DLGAP2: variants seen among roughly 807,000 people sequenced by gnomAD.
DLGAP2 encodes disks large-associated protein 2.
DLGAP2 carries 26 observed loss-of-function variants against 100.3 expected under a neutral mutation model. That is an observed-to-expected ratio of 0.26 (90% CI 0.19 to 0.36). The LOEUF (loss-of-function observed/expected upper bound fraction) is 0.36, where lower values mean the gene tolerates loss of function less well. DLGAP2 is among the 10% of genes least tolerant of loss of function. The probability of loss-of-function intolerance (pLI) is 1.00; values close to 1 mark genes in which losing one functional copy is unlikely to be tolerated. For synonymous variants in DLGAP2, 886 were observed against 630.1 expected, an observed-to-expected ratio of 1.41 and a Z score of -6.08; for missense variants, 1,858 against 1,453.2, an observed-to-expected ratio of 1.28 and a Z score of -4.53.
In DLGAP2 at chr8:1,653,455, C is replaced by T. The variant is rs771437011; in HGVS notation, c.1811-14874C>T. Reference sequence around the variant, plus strand: ...CTCTCAAGGCTGCCGGCTTCCTGGCCCCACAGGTGTCGTTCATGCTCAGCT... The same window carrying T: ...CTCTCAAGGCTGCCGGCTTCCTGGCTCCACAGGTGTCGTTCATGCTCAGCT... On this transcript the variant is annotated intron_variant, in intron 8 of 14. Transcript: ENST00000637795. 3.9e-4 allele frequency among the ~76,000 whole-genome samples: 60 copies of T among 152,318 alleles called. No homozygotes were observed. The Middle Eastern group carries it at 0.024, about 60-fold the overall frequency.
At chr8:918,016 G>A (rs1162034014) in intron 2 of DLGAP2, among the ~76,000 whole-genome samples, 1 of 152,220 alleles carries the variant, frequency 6.6e-6, no homozygotes, top group Non-Finnish European at 1.5e-5. Context: ...TTGGTAGGTT[G>A]CATGTCTAGG....
chr8:1,036,195 T>C (rs1181084140), intron 2 of DLGAP2, among the ~76,000 whole-genome samples: 1 of 148,074 alleles, frequency 6.8e-6, no homozygotes, highest in East Asian at 2.0e-4. Flanking sequence ...TCACCGCGAG[T>C]GGGTTCACAG....
intron 3 of DLGAP2, among the ~76,000 whole-genome samples, chr8:1,280,460 G>T (rs183171560): frequency 6.6e-6 from 1 of 152,134 alleles, no homozygotes; most frequent in Non-Finnish European, 1.5e-5. Context: ...TGCCACTAGC[G>T]TTTTTAAACA....
At chr8:1,378,528 T>G (rs1796016914) in intron 3 of DLGAP2, among the ~76,000 whole-genome samples, 1 of 151,722 alleles carries the variant, frequency 6.6e-6, no homozygotes, top group African/African-American at 2.4e-5. Context: ...TGACCTCACC[T>G]GTCCCTGACA....
rs115893084 is a variant in DLGAP2, at chr8:1,167,832, G to A, written c.74-91019G>A. On this transcript the variant is annotated intron_variant, in intron 2 of 14. Transcript: ENST00000637795. ...TACCTGGTTGAGGTCCTAAACCAAC[G>A]TTCAGTAGAGGGATGTAGACAGACA... Among the ~76,000 whole-genome samples, 721 of 145,550 alleles carry A rather than the reference G, an allele frequency of 5.0e-3. 3 individuals are homozygous for A. Among genetic ancestry groups the A allele is most frequent in the African/African-American group, 0.017 (695 of 40,524 alleles).
intron 3 of DLGAP2, among the ~76,000 whole-genome samples, chr8:1,307,316 G>C (rs1477810100): frequency 6.6e-6 from 1 of 152,120 alleles, no homozygotes; most frequent in African/African-American, 2.4e-5. Flanking sequence ...ACAAGGAAAT[G>C]CCAACACACA....
chr8:830,108 C>T (rs1796753714), intron 1 of DLGAP2, among the ~76,000 whole-genome samples: 1 of 152,098 alleles, frequency 6.6e-6, no homozygotes, highest in South Asian at 2.1e-4. Flanking sequence ...TACCTATCTG[C>T]CCTCTCACCA....
rs183983636 is a variant in DLGAP2 at position 1,321,986 on chromosome 8, C to T, written c.106+63103C>T. 4.6e-5 allele frequency among the ~76,000 whole-genome samples: 7 copies of T among 152,212 alleles called. No individual in the cohort carries two copies. The East Asian group carries it at 1.4e-3, about 29-fold the overall frequency. ...TTAAAATCTAGCTTAAGCCCTGAAG[C>T]GTGCTTAAATTCTAGAGATTAGAAT... On this transcript the variant is annotated intron_variant, in intron 3 of 14. Transcript: ENST00000637795.
intron 3 of DLGAP2, among the ~76,000 whole-genome samples, chr8:1,499,067 G>C (rs908468885): frequency 6.6e-6 from 1 of 152,210 alleles, no homozygotes; most frequent in African/African-American, 2.4e-5. Flanking sequence ...GCAAGGAAGC[G>C]TTTGTACTCC....
chr8:1,283,859 C>A (rs560779898), intron 3 of DLGAP2, among the ~76,000 whole-genome samples: 2 of 152,288 alleles, frequency 1.3e-5, no homozygotes, highest in East Asian at 1.9e-4. Context: ...CTACATCGTT[C>A]GTGGGATACA....
intron 3 of DLGAP2, among the ~76,000 whole-genome samples, chr8:1,321,073 GTGTGCCTCTGTGTGTGCGCATGCATCCA>G (rs1563081644): frequency 6.6e-6 from 1 of 151,450 alleles, no homozygotes; most frequent in African/African-American, 2.4e-5. Flanking sequence ...ACATGCATCT[GTGTGCCTCTGTGTGTGCGCATGCATCCA>G]TGTGCCTCTG....
At chr8:1,596,532 CTGT>C (rs1460588319) in intron 6 of DLGAP2, among the ~76,000 whole-genome samples, 1 of 152,186 alleles carries the variant, frequency 6.6e-6, no homozygotes, top group Admixed American at 6.5e-5. Flanking sequence ...TCTCCAACAT[CTGT>C]TGTTTCCTGG....
In DLGAP2 at chr8:984,207, G is replaced by A. The variant is rs374968629; in HGVS notation, c.73+76241G>A. Among the ~76,000 whole-genome samples the A allele has an allele frequency of 2.1e-3, 317 of 152,214 alleles. 2 individuals are homozygous for A. The highest frequency in any genetic ancestry group is 7.4e-3 in the African/African-American group (308 of 41,524). ...ACGTCCTGGATTCTAGCCCAGTTTT[G>A]CCGACACCTGACCTTGGGCACAGCA... On this transcript the variant is annotated intron_variant, in intron 2 of 14. Transcript: ENST00000637795.
At chr8:761,870 G>T (rs1821094408) in intron 1 of DLGAP2, among the ~76,000 whole-genome samples, 1 of 152,208 alleles carries the variant, frequency 6.6e-6, no homozygotes, top group South Asian at 2.1e-4. Flanking sequence ...GCCCTGGAGA[G>T]GGGATGGGGA....
chr8:1,196,845 A>G (rs1389666733), intron 2 of DLGAP2, among the ~76,000 whole-genome samples: 1 of 152,168 alleles, frequency 6.6e-6, no homozygotes, highest in East Asian at 1.9e-4. Context: ...GGTTCTCCCG[A>G]AAAGTGAGAC....
intron 8 of DLGAP2, among the ~76,000 whole-genome samples, chr8:1,661,666 C>T (rs554279004): frequency 6.6e-6 from 1 of 152,110 alleles, no homozygotes; most frequent in African/African-American, 2.4e-5. Flanking sequence ...GGTCTTTGGT[C>T]TCATTGTCTA....
At chr8:1,181,791 AC>A (rs1175118790) in intron 2 of DLGAP2, among the ~76,000 whole-genome samples, 2 of 151,938 alleles carry the variant, frequency 1.3e-5, no homozygotes, top group Non-Finnish European at 2.9e-5. Context: ...ATGGATGGAG[AC>A]CCCGGGAGGA....
At chr8:1,006,796 T>TGTG (rs1271017089) in intron 2 of DLGAP2, among the ~76,000 whole-genome samples, 3 of 70,122 alleles carry the variant, frequency 4.3e-5, no homozygotes, top group African/African-American at 6.3e-5. Context: ...AGTCTCAGGA[T>TGTG]GTCCTTTATC....
chr8:1,197,856 G>T (rs1052013636), intron 2 of DLGAP2, among the ~76,000 whole-genome samples: 5 of 152,170 alleles, frequency 3.3e-5, no homozygotes, highest in East Asian at 1.9e-4. Flanking sequence ...GTGGAATCAG[G>T]TTTCTCGTCT....
Sources: gnomAD v4.1 joint callset for allele counts (sites outside exome capture counted in the v4.1 genomes callset) on GRCh38, gnomAD v4.1.1 for gene constraint, MANE v1.5 for transcripts, NCBI Gene and HGNC (gene_info 2026-07-23, HGNC 2026-07-21) for gene names.